The following PDE11A variants were observed in gnomAD, a reference collection of about 807,000 sequenced individuals.
The protein encoded by PDE11A is phosphodiesterase 11A.
A neutral mutation model predicts 100.5 loss-of-function variants in PDE11A; 100 were observed. That is an observed-to-expected ratio of 1.00 (90% confidence interval 0.85 to 1.18). The LOEUF (loss-of-function observed/expected upper bound fraction) is 1.18, where lower values mean the gene tolerates loss of function less well. Among genes scored for constraint, PDE11A ranks in the 50% most tolerant of loss-of-function variants. The pLI is 0.00. For missense variants in PDE11A, 1,141 were observed against 1,152.6 expected, an observed-to-expected ratio of 0.99 and a Z score of 0.15; for synonymous variants, 381 against 420.8, an observed-to-expected ratio of 0.91 and a Z score of 1.16.
intron 12 of PDE11A, among the ~76,000 whole-genome samples, chr2:177,717,659 T>C (rs2081462203): frequency 6.6e-6 from 1 of 152,132 alleles, no homozygotes; most frequent in Non-Finnish European, 1.5e-5. Flanking sequence ...ATTTCCCATG[T>C]CACCCCCTCC....
intron 1 of PDE11A, among the ~76,000 whole-genome samples, chr2:178,062,604 C>T (rs1044092817): frequency 6.6e-6 from 1 of 152,148 alleles, no homozygotes; most frequent in Non-Finnish European, 1.5e-5. Flanking sequence ...GTTCTTAATG[C>T]CATTACAGCT....
intron 4 of PDE11A, among the ~76,000 whole-genome samples, chr2:177,876,215 C>T (rs1194277344): frequency 6.6e-6 from 1 of 152,214 alleles, no homozygotes; most frequent in African/African-American, 2.4e-5. Flanking sequence ...AGGAAAATCT[C>T]ATTTGAATAC....
chr2:177,972,737 G>T (rs1003291038), intron 2 of PDE11A, among the ~76,000 whole-genome samples: 1 of 152,120 alleles, frequency 6.6e-6, no homozygotes. Flanking sequence ...TGGGACAGAG[G>T]CTAAGAAGTT....
intron 6 of PDE11A, among the ~76,000 whole-genome samples, chr2:177,837,455 G>A (rs1301248142): frequency 6.6e-6 from 1 of 151,418 alleles, no homozygotes; most frequent in Non-Finnish European, 1.5e-5. Context: ...CTGGCTTGGA[G>A]AATGGGTACT....
intron 6 of PDE11A, among the ~76,000 whole-genome samples, chr2:177,830,386 G>A: frequency 6.6e-6 from 1 of 152,030 alleles, no homozygotes; most frequent in Admixed American, 6.6e-5. Context: ...GATCACTTGA[G>A]GTCAGGAGTT....
At chr2:177,697,581 T>G (rs943215915) in intron 14 of PDE11A, 149 bp from the exon 15 acceptor site, 1 of 615,156 alleles carries the variant, frequency 1.6e-6, no homozygotes, top group Non-Finnish European at 2.9e-6. Flanking sequence ...ATAAACAGAT[T>G]CTCTGGCAAA....
chr2:178,033,215 G>T (rs1467440343), intron 1 of PDE11A, among the ~76,000 whole-genome samples: 1 of 152,118 alleles, frequency 6.6e-6, no homozygotes, highest in Non-Finnish European at 1.5e-5. Flanking sequence ...ATGACCTATT[G>T]GAGCTGAAAA....
intron 18 of PDE11A, among the ~76,000 whole-genome samples, chr2:177,669,018 G>A (rs925109612): frequency 6.6e-6 from 1 of 152,164 alleles, no homozygotes; most frequent in Non-Finnish European, 1.5e-5. Context: ...CAAATCACCA[G>A]AACCTAGTTC....
intron 9 of PDE11A, among the ~76,000 whole-genome samples, chr2:177,804,217 G>C (rs2082833495): frequency 6.6e-6 from 1 of 151,796 alleles, no homozygotes; most frequent in African/African-American, 2.4e-5. Flanking sequence ...TCTGACAAAA[G>C]GCTAACATCC....
intron 2 of PDE11A, among the ~76,000 whole-genome samples, chr2:177,989,630 T>C (rs2085979740): frequency 6.6e-6 from 1 of 152,154 alleles, no homozygotes; most frequent in Non-Finnish European, 1.5e-5. Context: ...GCTTTTCTGG[T>C]TGGCAGGAAT....
chr2:177,970,405 C>T (rs915739446), intron 2 of PDE11A, among the ~76,000 whole-genome samples: 2 of 151,978 alleles, frequency 1.3e-5, no homozygotes, highest in Admixed American at 6.6e-5. Context: ...TAGACTTTGA[C>T]TATATCTAAT....
chr2:177,957,198 G>A (rs1030139230), intron 2 of PDE11A, among the ~76,000 whole-genome samples: 1 of 152,030 alleles, frequency 6.6e-6, no homozygotes, highest in Non-Finnish European at 1.5e-5. Context: ...GAACATAAAT[G>A]TACAAATATT....
intron 9 of PDE11A, among the ~76,000 whole-genome samples, chr2:177,809,711 G>A (rs1259603682): frequency 6.6e-6 from 1 of 151,228 alleles, no homozygotes; most frequent in Non-Finnish European, 1.5e-5. Context: ...AAGGGAAGAA[G>A]CTCAGAGACA....
At chr2:177,859,691 T>A (rs1230750947) in intron 5 of PDE11A, among the ~76,000 whole-genome samples, 1 of 151,796 alleles carries the variant, frequency 6.6e-6, no homozygotes, top group Admixed American at 6.6e-5. Flanking sequence ...ACAAGAAGCA[T>A]TCCCTAGGAT....
At chr2:177,952,085 C>A (rs1014684242) in intron 2 of PDE11A, among the ~76,000 whole-genome samples, 4 of 151,988 alleles carry the variant, frequency 2.6e-5, no homozygotes, top group African/African-American at 9.7e-5. Flanking sequence ...ACTACCTAAA[C>A]TTCCTCATTT....
chr2:177,677,896 C>T (rs2080803437), intron 16 of PDE11A: 1 of 151,998 alleles, frequency 6.6e-6, no homozygotes, highest in South Asian at 2.1e-4. Flanking sequence ...CTCTATATGC[C>T]AAAATTATTT....
chr2:177,892,706 C>T (rs2695740), intron 4 of PDE11A, among the ~76,000 whole-genome samples: 82,418 of 152,100 alleles, frequency 0.54, 24,359 homozygotes, highest in East Asian at 0.74. Flanking sequence ...CCCAGACTGG[C>T]CTCTGTTCTG....
At chr2:177,904,556 C>CTT (rs11333208) in intron 3 of PDE11A, among the ~76,000 whole-genome samples, 16 of 133,106 alleles carry the variant, frequency 1.2e-4, no homozygotes, top group Admixed American at 1.5e-4. Context: ...TATTAATCTC[C>CTT]TTTTTTTTTT....
intron 1 of PDE11A, among the ~76,000 whole-genome samples, chr2:178,054,793 A>G (rs1043762217): frequency 6.6e-6 from 1 of 152,232 alleles, no homozygotes. Flanking sequence ...CAAAACCACA[A>G]TGAGATACCA....
Sources: allele counts gnomAD v4.1 joint callset (sites outside exome capture counted in the v4.1 genomes callset), GRCh38; gene constraint gnomAD v4.1.1; transcripts MANE v1.5; gene names NCBI Gene and HGNC (gene_info 2026-07-23, HGNC 2026-07-21).